ARSB: variants seen among roughly 807,000 people sequenced by gnomAD.
ARSB encodes the protein N-acetylgalactosamine-4-sulfatase.
Under a neutral mutation model 50.9 loss-of-function variants are expected in ARSB, and 41 were observed. The observed-to-expected ratio is 0.81, with a 90% CI of 0.63 to 1.04. The LOEUF is 1.04. Ranked by LOEUF, ARSB falls within the 50% of genes least tolerant of loss-of-function variation. The pLI is 0.00. For synonymous variants in ARSB, 269 were observed against 284.8 expected (o/e 0.94, Z 0.56); for missense variants, 672 against 693.3 (o/e 0.97, Z 0.35).
chr5:78,804,271 C>T (rs1743491570), intron 6 of ARSB, among the ~76,000 whole-genome samples: 1 of 151,666 alleles, frequency 6.6e-6, no homozygotes, highest in Non-Finnish European at 1.5e-5. Context: ...AAGTGTTTCA[C>T]TTCAGCTCAG....
chr5:78,866,655 G>A (rs1430107504), intron 5 of ARSB, among the ~76,000 whole-genome samples: 3 of 152,162 alleles, frequency 2.0e-5, no homozygotes, highest in East Asian at 3.8e-4. Flanking sequence ...TGGCTGCCTT[G>A]GGCAGCTGAG....
chr5:78,888,882 G>A (rs563449727), intron 4 of ARSB, among the ~76,000 whole-genome samples: 8 of 152,224 alleles, frequency 5.3e-5, no homozygotes, highest in Non-Finnish European at 1.0e-4. Context: ...AGCAATAAGC[G>A]ATTCTATCAA....
chr5:78,954,086 T>G (rs1312074026), intron 4 of ARSB, among the ~76,000 whole-genome samples: 2 of 145,424 alleles, frequency 1.4e-5, no homozygotes, highest in African/African-American at 2.5e-5. Context: ...AGAAGAAAAA[T>G]AAAGAAAACA....
chr5:78,873,334 A>G (rs1747316675), intron 5 of ARSB, among the ~76,000 whole-genome samples: 1 of 152,040 alleles, frequency 6.6e-6, no homozygotes, highest in African/African-American at 2.4e-5. Context: ...AAATTAAAAG[A>G]GAAAGGATAA....
intron 4 of ARSB, among the ~76,000 whole-genome samples, chr5:78,929,297 C>T (rs1199770359): frequency 6.6e-6 from 1 of 152,136 alleles, no homozygotes. Context: ...GGTAACATTT[C>T]TTCTCATACT....
intron 4 of ARSB, among the ~76,000 whole-genome samples, chr5:78,954,595 C>G (rs1751633356): frequency 6.6e-6 from 1 of 152,160 alleles, no homozygotes; most frequent in Admixed American, 6.5e-5. Flanking sequence ...ACCTCTGCCT[C>G]CTGGATTCAA....
chr5:78,969,045 C>A lies in ARSB; in HGVS notation c.460G>T (p.Glu154Ter). 6.2e-7 allele frequency: 1 copy of A among 1,614,172 alleles called. No homozygotes were observed. Among genetic ancestry groups the A allele is most frequent in the Non-Finnish European group, 8.5e-7 (1 of 1,180,022 alleles). ...AATCCTCGGCGGGTTGGAAGGCATTCTTTCCGGTACATTCCCAGGTGCCAT... is the reference window on the plus strand; with the variant it reads ...AATCCTCGGCGGGTTGGAAGGCATTATTTCCGGTACATTCCCAGGTGCCAT... ...GKWHLGMYRK[E>*]CLPTRRGFDT... The change falls in exon 2 of 8, where the codon GAA becomes TAA. Residue 154 changes from glutamate (E) to a stop codon, truncating the protein, a stop_gained. Transcript: ENST00000264914. LOFTEE classifies it high-confidence loss of function.
At chr5:78,977,179 A>G (rs571880281) in intron 1 of ARSB, among the ~76,000 whole-genome samples, 1 of 142,940 alleles carries the variant, frequency 7.0e-6, no homozygotes, top group Non-Finnish European at 1.5e-5. Context: ...CGCGAGATGG[A>G]GTCTTGCTCT....
intron 4 of ARSB, among the ~76,000 whole-genome samples, chr5:78,901,677 AT>A (rs1748812201): frequency 1.3e-5 from 2 of 152,384 alleles, no homozygotes; most frequent in Middle Eastern, 6.8e-3. Flanking sequence ...CAACTCAATA[AT>A]AAAAGATAAC....
At chr5:78,782,444 A>T (rs762172784) in intron 6 of ARSB, among the ~76,000 whole-genome samples, 5 of 152,216 alleles carry the variant, frequency 3.3e-5, no homozygotes, top group Non-Finnish European at 5.9e-5. Flanking sequence ...GAGTACAAAG[A>T]CTTATTTTTT....
chr5:78,848,585 T>G (rs188941009), intron 5 of ARSB, among the ~76,000 whole-genome samples: 19,288 of 151,418 alleles, frequency 0.13, 1,443 homozygotes, highest in Middle Eastern at 0.21. Flanking sequence ...TACCCCGTAA[T>G]GGGATGGCTG....
intron 5 of ARSB, among the ~76,000 whole-genome samples, chr5:78,861,566 T>C (rs915484100): frequency 7.9e-5 from 12 of 152,188 alleles, no homozygotes; most frequent in Non-Finnish European, 1.6e-4. Flanking sequence ...TCAACAATGC[T>C]TCATGCTAAA....
intron 4 of ARSB, among the ~76,000 whole-genome samples, chr5:78,938,737 C>T (rs761919182): frequency 2.0e-5 from 3 of 152,078 alleles, no homozygotes; most frequent in African/African-American, 4.8e-5. Flanking sequence ...GGAAAAGGGA[C>T]GTAAGATTTA....
rs968826546 is a variant in ARSB, at chr5:78,850,595, T to C, written c.1143-11169A>G. 3.4e-3 allele frequency among the ~76,000 whole-genome samples: 521 copies of C among 152,228 alleles called. 2 individuals carry two copies. The highest frequency in any genetic ancestry group is 9.3e-3 in the African/African-American group (386 of 41,520). The stretch of plus-strand genomic sequence containing the variant: ...TCATAAAATGAGTTAGGGAGGATTC[T>C]CTCTTTTTCTATTGATTGGAATAGT... On this transcript the variant is annotated intron_variant, in intron 5 of 7. Coordinates refer to ENST00000264914, the MANE Select transcript of ARSB (RefSeq NM_000046.5).
intron 6 of ARSB, among the ~76,000 whole-genome samples, chr5:78,828,688 T>G (rs1345679403): frequency 6.6e-6 from 1 of 152,238 alleles, no homozygotes; most frequent in Non-Finnish European, 1.5e-5. Flanking sequence ...CGACTTGTTG[T>G]ATTTTTCATG....
chr5:78,780,389 C>T lies in ARSB; in HGVS notation c.*8G>A. The T allele has an allele frequency of 1.2e-6, 2 of 1,613,966 alleles. No individual in the cohort carries two copies. The highest frequency in any genetic ancestry group is 3.4e-4 in the Middle Eastern group (2 of 5,950). ...CCAATTGAAAGGTTTTCTAGCCTCCCTGAAATCCTACATCCAAGGGCCCCA... is the reference window on the plus strand; with the variant it reads ...CCAATTGAAAGGTTTTCTAGCCTCCTTGAAATCCTACATCCAAGGGCCCCA... On this transcript the variant is annotated 3_prime_UTR_variant, in exon 8 of 8. Coordinates refer to ENST00000264914, the MANE Select transcript of ARSB (RefSeq NM_000046.5).
intron 6 of ARSB, chr5:78,815,476 G>T: frequency 5.4e-6 from 5 of 924,846 alleles, no homozygotes; most frequent in Non-Finnish European, 6.4e-6. Context: ...CTTGGCAAAT[G>T]GAGGACAGGC....
intron 6 of ARSB, among the ~76,000 whole-genome samples, chr5:78,829,092 T>A (rs1561444308): frequency 6.6e-6 from 1 of 152,158 alleles, no homozygotes; most frequent in Non-Finnish European, 1.5e-5. Context: ...GGCAAGGAAA[T>A]GGGATGTCCC....
chr5:78,873,365 A>G (rs1367712641), intron 5 of ARSB, among the ~76,000 whole-genome samples: 1 of 152,072 alleles, frequency 6.6e-6, no homozygotes, highest in East Asian at 1.9e-4. Context: ...ATAAAGAAAA[A>G]ATAAAGAGGC....
Sources: gnomAD v4.1 joint callset for allele counts (sites outside exome capture counted in the v4.1 genomes callset) on GRCh38, gnomAD v4.1.1 for gene constraint, MANE v1.5 for transcripts, NCBI Gene and HGNC (gene_info 2026-07-23, HGNC 2026-07-21) for gene names.